The following SNTG1 variants were observed in gnomAD, a reference collection of about 807,000 sequenced individuals.
The protein encoded by SNTG1 is gamma-1-syntrophin.
In SNTG1, 39 loss-of-function variants were observed where a neutral mutation model predicts 74.7. The observed-to-expected ratio is 0.52, with a 90% CI of 0.40 to 0.68. The LOEUF is 0.68. SNTG1 is among the 30% of genes least tolerant of loss of function. SNTG1 has a pLI of 0.00. For synonymous variants in SNTG1, 254 were observed against 217.1 expected, an observed-to-expected ratio of 1.17 and a Z score of -1.49; for missense variants, 685 against 609.5, an observed-to-expected ratio of 1.12 and a Z score of -1.30.
rs1282407950 is a variant in SNTG1 at position 50,167,317 on chromosome 8, AT to A, written c.-102-5243del. Among the ~76,000 whole-genome samples the A allele has an allele frequency of 9.3e-3, 1,370 of 147,748 alleles. 20 individuals carry two copies. Among genetic ancestry groups the A allele is most frequent in the African/African-American group, 0.03 (1,172 of 39,610 alleles). ...AAAAAAAAGATTAAAAATAAAAAAA[AT>A]AAAATAAAATAAAATAAAAAAAAAA... On this transcript the variant is annotated intron_variant, in intron 1 of 18. Transcript: ENST00000642720.
intron 2 of SNTG1, among the ~76,000 whole-genome samples, chr8:50,314,295 A>G (rs1179923194): frequency 6.8e-6 from 1 of 148,024 alleles, no homozygotes; most frequent in Non-Finnish European, 1.5e-5. Flanking sequence ...TTTCCTTTTT[A>G]TCTCTTGTTT....
At chr8:50,079,064 G>A (rs1266005957) in intron 1 of SNTG1, among the ~76,000 whole-genome samples, 1 of 152,136 alleles carries the variant, frequency 6.6e-6, no homozygotes, top group Admixed American at 6.6e-5. Context: ...AATCCTTTGG[G>A]TATACACCCA....
intron 8 of SNTG1, among the ~76,000 whole-genome samples, chr8:50,472,427 A>G (rs13272236): frequency 0.058 from 8,762 of 152,276 alleles, 374 homozygotes; most frequent in Non-Finnish European, 0.088. Context: ...ATTAGGAAAC[A>G]TAGTCTTTTC....
chr8:50,498,381 C>T (rs1278474204), intron 8 of SNTG1, among the ~76,000 whole-genome samples: 3 of 151,694 alleles, frequency 2.0e-5, no homozygotes, highest in Non-Finnish European at 4.4e-5. Context: ...TATTTTAATG[C>T]ACTAATTTGC....
chr8:50,208,869 G>C (rs2084373655), intron 2 of SNTG1, among the ~76,000 whole-genome samples: 1 of 152,166 alleles, frequency 6.6e-6, no homozygotes, highest in Admixed American at 6.5e-5. Context: ...TTCCAAGTGA[G>C]GTACCAGGTT....
intron 2 of SNTG1, among the ~76,000 whole-genome samples, chr8:50,369,602 GAA>G (rs71233488): frequency 2.2e-5 from 3 of 139,108 alleles, no homozygotes; most frequent in Admixed American, 7.2e-5. Flanking sequence ...GTCCCAAAAA[GAA>G]AAAAAAAAAA....
At chr8:49,991,055 T>A (rs906687222) in intron 1 of SNTG1, among the ~76,000 whole-genome samples, 4 of 152,212 alleles carry the variant, frequency 2.6e-5, no homozygotes, top group Non-Finnish European at 5.9e-5. Flanking sequence ...GATGATAGAC[T>A]TGTATACAGA....
intron 1 of SNTG1, among the ~76,000 whole-genome samples, chr8:49,993,466 T>C (rs1191162190): frequency 6.6e-6 from 1 of 152,112 alleles, no homozygotes; most frequent in Non-Finnish European, 1.5e-5. Flanking sequence ...GGTATACATG[T>C]GCCATGGTGG....
intron 12 of SNTG1, among the ~76,000 whole-genome samples, chr8:50,588,105 A>ATC: frequency 6.6e-6 from 1 of 151,518 alleles, no homozygotes; most frequent in Admixed American, 6.6e-5. Context: ...GGGTGACAGA[A>ATC]TGAGACTCCG....
chr8:50,272,734 A>T lies in SNTG1; in HGVS notation c.-28+100099A>T, dbSNP rs534993097. ...TATCATTTATATCATACAACTTGTAATTCTACACTTTCTTTTTTTATAGAC... is the reference window on the plus strand; with the variant it reads ...TATCATTTATATCATACAACTTGTATTTCTACACTTTCTTTTTTTATAGAC... On this transcript the variant is annotated intron_variant, in intron 2 of 18. Transcript: ENST00000642720. Among the ~76,000 whole-genome samples the T allele has an allele frequency of 3.3e-5, 5 of 152,160 alleles. No individual in the cohort carries two copies. The East Asian group carries it at 9.7e-4, about 29-fold the overall frequency.
intron 12 of SNTG1, among the ~76,000 whole-genome samples, chr8:50,567,638 A>G (rs911974403): frequency 1.3e-5 from 2 of 152,076 alleles, no homozygotes; most frequent in African/African-American, 2.4e-5. Flanking sequence ...TTTGCTAACT[A>G]TATTTCAGTG....
intron 10 of SNTG1, among the ~76,000 whole-genome samples, chr8:50,534,277 G>A (rs367702025): frequency 2.2e-4 from 34 of 152,200 alleles, no homozygotes; most frequent in African/African-American, 7.9e-4. Context: ...TTAGGAATGC[G>A]TGTGTGTGCA....
chr8:50,127,617 T>C (rs1222027490), intron 1 of SNTG1, among the ~76,000 whole-genome samples: 1 of 152,090 alleles, frequency 6.6e-6, no homozygotes, highest in Non-Finnish European at 1.5e-5. Context: ...CTAGACCGGG[T>C]TTGCACAGAT....
At position 50,053,798 on chromosome 8, in the gene SNTG1, C is replaced by T. The variant is rs530256260; in HGVS notation, c.-102-118763C>T. 2.9e-4 allele frequency among the ~76,000 whole-genome samples: 44 copies of T among 152,042 alleles called. 2 individuals carry two copies. The South Asian group carries it at 8.9e-3, about 31-fold the overall frequency. The stretch of plus-strand genomic sequence containing the variant: ...TCCAGCCATTTATTTATCTACAACA[C>T]AAACCCCACCACAACACATACACAT... On this transcript the variant is annotated intron_variant, in intron 1 of 18. Transcript: ENST00000642720.
chr8:50,347,326 T>C (rs1403622210), intron 2 of SNTG1, among the ~76,000 whole-genome samples: 1 of 152,186 alleles, frequency 6.6e-6, no homozygotes, highest in Non-Finnish European at 1.5e-5. Context: ...AGCACATTTG[T>C]TTGTAGCATT....
At chr8:50,413,798 C>T (rs1359706136) in intron 4 of SNTG1, among the ~76,000 whole-genome samples, 1 of 152,124 alleles carries the variant, frequency 6.6e-6, no homozygotes, top group East Asian at 1.9e-4. Flanking sequence ...CAACTCCTCC[C>T]ATCTTCCTTT....
chr8:50,634,662 T>C (rs1298912058), intron 13 of SNTG1, among the ~76,000 whole-genome samples: 3 of 152,194 alleles, frequency 2.0e-5, no homozygotes, highest in East Asian at 3.8e-4. Flanking sequence ...TCATATTGTT[T>C]AGCTTTTTTG....
chr8:50,650,260 C>A (rs1345601060), intron 13 of SNTG1, among the ~76,000 whole-genome samples: 1 of 151,774 alleles, frequency 6.6e-6, no homozygotes, highest in Non-Finnish European at 1.5e-5. Context: ...TGATTTTAAT[C>A]CTTCATTTGG....
chr8:50,482,138 T>C (rs549371340), intron 8 of SNTG1, among the ~76,000 whole-genome samples: 2 of 152,326 alleles, frequency 1.3e-5, no homozygotes, highest in East Asian at 3.9e-4. Flanking sequence ...TCCCACTAAG[T>C]TGTAGCTGTG....
Sources: gnomAD v4.1 joint callset for allele counts (sites outside exome capture counted in the v4.1 genomes callset) on GRCh38, gnomAD v4.1.1 for gene constraint, MANE v1.5 for transcripts, NCBI Gene and HGNC (gene_info 2026-07-23, HGNC 2026-07-21) for gene names.